Variants in C3orf70 observed in about 807,000 individuals in gnomAD.
C3orf70 encodes UPF0524 protein C3orf70.
C3orf70 carries 15 observed loss-of-function variants against 20.7 expected under a neutral mutation model. The observed-to-expected ratio is 0.72, with a 90% CI of 0.48 to 1.11. C3orf70 has a LOEUF of 1.11. Among genes scored for constraint, C3orf70 ranks in the 50% most tolerant of loss-of-function variants. The pLI, the probability that C3orf70 is intolerant of heterozygous loss-of-function variation, is 0.00. For missense variants in C3orf70, 332 were observed against 317.6 expected, an observed-to-expected ratio of 1.05 and a Z score of -0.34; for synonymous variants, 161 against 125.7, an observed-to-expected ratio of 1.28 and a Z score of -1.88.
intron 1 of C3orf70, among the ~76,000 whole-genome samples, chr3:185,093,609 T>C (rs1197260938): frequency 6.6e-6 from 1 of 152,042 alleles, no homozygotes; most frequent in African/African-American, 2.4e-5. Context: ...AGAGGAAATA[T>C]AAGTATTAAG....
rs539200199 is a variant in C3orf70 at position 185,113,639 on chromosome 3, C to T, written c.197-30076G>A. On this transcript the variant is annotated intron_variant, in intron 1 of 1. Transcript: ENST00000335012. ...ATTATAACTAATTGCTAGATAGTGCCAAAAGTAAAATTCCAGTTGTGATAT... is the reference window on the plus strand; with the variant it reads ...ATTATAACTAATTGCTAGATAGTGCTAAAAGTAAAATTCCAGTTGTGATAT... 1.1e-3 allele frequency among the ~76,000 whole-genome samples: 173 copies of T among 151,974 alleles called. 1 individual carries two copies. The highest frequency in any genetic ancestry group is 4.0e-3 in the South Asian group (19 of 4,804).
chr3:185,150,635 A>C (rs1716973080), intron 1 of C3orf70, among the ~76,000 whole-genome samples: 1 of 152,332 alleles, frequency 6.6e-6, no homozygotes, highest in Non-Finnish European at 1.5e-5. Context: ...CAGAAAAGCT[A>C]ATGTGATGCT....
intron 1 of C3orf70, among the ~76,000 whole-genome samples, chr3:185,103,199 T>C (rs1715856539): frequency 6.6e-6 from 1 of 152,124 alleles, no homozygotes; most frequent in Non-Finnish European, 1.5e-5. Context: ...GAACAGAGAT[T>C]GTGCCACTGC....
chr3:185,137,029 G>C (rs1293182751), intron 1 of C3orf70, among the ~76,000 whole-genome samples: 1 of 152,154 alleles, frequency 6.6e-6, no homozygotes, highest in Non-Finnish European at 1.5e-5. Flanking sequence ...GATATGGTTT[G>C]GTTGTGTCCC....
chr3:185,145,189 T>C (rs1176037462), intron 1 of C3orf70, among the ~76,000 whole-genome samples: 1 of 152,228 alleles, frequency 6.6e-6, no homozygotes, highest in African/African-American at 2.4e-5. Flanking sequence ...TTCCTGTAAT[T>C]AATGAGATCT....
intron 1 of C3orf70, among the ~76,000 whole-genome samples, chr3:185,090,336 T>G (rs146477012): frequency 2.8e-4 from 42 of 152,342 alleles, no homozygotes; most frequent in Non-Finnish European, 4.4e-4. Flanking sequence ...GCTAAGCTAC[T>G]GTGTGTACCT....
chr3:185,123,667 T>C (rs1219197485), intron 1 of C3orf70, among the ~76,000 whole-genome samples: 1 of 152,088 alleles, frequency 6.6e-6, no homozygotes, highest in Non-Finnish European at 1.5e-5. Flanking sequence ...ATGAATATGG[T>C]TTGTCTGCTC....
At chr3:185,094,354 G>C (rs577869684) in intron 1 of C3orf70, among the ~76,000 whole-genome samples, 33 of 152,274 alleles carry the variant, frequency 2.2e-4, no homozygotes, top group African/African-American at 6.5e-4. Flanking sequence ...TGTGATTACA[G>C]GCGTGAGCCG....
chr3:185,091,953 ATATATATATATTTT>A (rs1561331032), intron 1 of C3orf70, among the ~76,000 whole-genome samples: 123 of 11,162 alleles, frequency 0.011, 3 homozygotes, highest in Non-Finnish European at 0.014. Flanking sequence ...ATATATATAT[ATATATATATATTTT>A]TTTTTTTTTT....
rs1327692472 is a variant in C3orf70, at chr3:185,077,864, C to T, written c.*5143G>A. Among the ~76,000 whole-genome samples the T allele has an allele frequency of 2.0e-5, 3 of 150,586 alleles. No homozygotes were observed. The highest frequency in any genetic ancestry group is 4.4e-5 in the Non-Finnish European group (3 of 67,910). On this transcript the variant is annotated 3_prime_UTR_variant, in exon 2 of 2. Coordinates refer to ENST00000335012, the MANE Select transcript of C3orf70 (RefSeq NM_001025266.3). The stretch of plus-strand genomic sequence containing the variant: ...TTCTGGGAGTTATCATGAGTGGTGA[C>T]TCTGAGTAGATACTGCGGACAGTAC...
intron 1 of C3orf70, among the ~76,000 whole-genome samples, chr3:185,087,661 C>CG (rs911713452): frequency 1.3e-5 from 2 of 151,938 alleles, no homozygotes; most frequent in African/African-American, 2.4e-5. Flanking sequence ...ACTGGGCATA[C>CG]GGGGGGATGG....
rs542039056 is a variant in C3orf70, at chr3:185,119,062, C to T, written c.196+33566G>A. Among the ~76,000 whole-genome samples the T allele has an allele frequency of 3.0e-4, 45 of 152,240 alleles. No homozygotes were observed. The East Asian group carries it at 7.1e-3, about 24-fold the overall frequency. ...GATCTATCCCTTCAGAGTTTTGAAA[C>T]ATTTAAATGTTTTTCCAATGAGTCT... On this transcript the variant is annotated intron_variant, in intron 1 of 1. Coordinates refer to ENST00000335012, the MANE Select transcript of C3orf70 (RefSeq NM_001025266.3).
In C3orf70 at chr3:185,152,357, T is replaced by C. The variant is rs1199887174; in HGVS notation, c.196+271A>G. Among the ~76,000 whole-genome samples the C allele has an allele frequency of 2.6e-5, 4 of 152,166 alleles. No homozygotes were observed. The South Asian group carries it at 8.3e-4, about 31-fold the overall frequency. On this transcript the variant is annotated intron_variant, in intron 1 of 1. Coordinates refer to ENST00000335012, the MANE Select transcript of C3orf70 (RefSeq NM_001025266.3). The stretch of plus-strand genomic sequence containing the variant: ...AAAAAAAACCAGATTCCCGCTTCCC[T>C]GGGACAGGGAGCTCCCTTTTGTAGA...
intron 1 of C3orf70, among the ~76,000 whole-genome samples, chr3:185,099,967 C>A (rs578013651): frequency 2.0e-5 from 3 of 152,264 alleles, no homozygotes; most frequent in African/African-American, 7.2e-5. Flanking sequence ...AAGGGCATTA[C>A]ATAATGGTAA....
chr3:185,152,502 C>T, intron 1 of C3orf70, 126 bp downstream of exon 1: 1 of 770,520 alleles, frequency 1.3e-6, no homozygotes, highest in Non-Finnish European at 1.8e-6. Context: ...CGGCCCCAGC[C>T]TCCGGCAGAG....
At chr3:185,104,884 G>A (rs1270134710) in intron 1 of C3orf70, among the ~76,000 whole-genome samples, 1 of 152,160 alleles carries the variant, frequency 6.6e-6, no homozygotes, top group Non-Finnish European at 1.5e-5. Context: ...TAATACCTGG[G>A]TGATGAAATA....
rs141838392 is a variant in C3orf70, at chr3:185,081,652, G to C, written c.*1355C>G. The C allele has an allele frequency of 3.3e-5, 5 of 152,646 alleles. No individual in the cohort carries two copies. In the East Asian group the frequency reaches 9.6e-4, roughly 29 times the overall value. 9.5% of individuals were successfully genotyped at this position (152,646 alleles called of 1,614,324 possible). On this transcript the variant is annotated 3_prime_UTR_variant, in exon 2 of 2. Coordinates refer to ENST00000335012, the MANE Select transcript of C3orf70 (RefSeq NM_001025266.3). ...GTTAACTGACTCACAAGAATACCTG[G>C]TATAAATGGAGAGTAGAAGTAGAAT...
At chr3:185,091,923 A>G (rs1715585281) in intron 1 of C3orf70, among the ~76,000 whole-genome samples, 1 of 3,524 alleles carries the variant, frequency 2.8e-4, no homozygotes, top group Non-Finnish European at 5.0e-4. Flanking sequence ...ATATATATAT[A>G]TATATATATA....
rs1046081577 is a variant in C3orf70 at position 185,090,399 on chromosome 3, G to T, written c.197-6836C>A. ...TTTGATTCTTAAAAAGCTCCTTTGG[G>T]GGGAAAATGAGCTTTTTGCTTTTGC... On this transcript the variant is annotated intron_variant, in intron 1 of 1. Transcript: ENST00000335012. 4.6e-5 allele frequency among the ~76,000 whole-genome samples: 7 copies of T among 152,260 alleles called. No individual in the cohort carries two copies. The East Asian group carries it at 1.4e-3, about 29-fold the overall frequency.
Sources: allele counts gnomAD v4.1 joint callset (sites outside exome capture counted in the v4.1 genomes callset), GRCh38; gene constraint gnomAD v4.1.1; transcripts MANE v1.5; gene names NCBI Gene and HGNC (gene_info 2026-07-23, HGNC 2026-07-21).